Variants in SULF1 observed in about 807,000 individuals in gnomAD.
The protein encoded by SULF1 is sulfatase 1.
SULF1 carries 46 observed loss-of-function variants against 110.5 expected under a neutral mutation model. The observed-to-expected ratio is 0.42, with a 90% CI of 0.33 to 0.53. SULF1 has a LOEUF of 0.53. Ranked by LOEUF, SULF1 falls within the 20% of genes least tolerant of loss-of-function variation. SULF1 has a pLI of 0.12. For missense variants in SULF1, 941 were observed against 1,094.2 expected (o/e 0.86, Z 1.98); for synonymous variants, 371 against 387.1 (o/e 0.96, Z 0.49).
intron 3 of SULF1, among the ~76,000 whole-genome samples, chr8:69,540,057 A>G (rs539205740): frequency 6.6e-6 from 1 of 152,352 alleles, no homozygotes; most frequent in African/African-American, 2.4e-5. Flanking sequence ...TGTGGTAGTG[A>G]TGAAAGCAAT....
At chr8:69,484,484 A>G (rs929173079) in intron 1 of SULF1, among the ~76,000 whole-genome samples, 1 of 152,246 alleles carries the variant, frequency 6.6e-6, no homozygotes, top group African/African-American at 2.4e-5. Flanking sequence ...TCTCAACTTT[A>G]TAGTAAAGCA....
At chr8:69,613,361 T>TG (rs1274283148) in intron 13 of SULF1, among the ~76,000 whole-genome samples, 1 of 151,528 alleles carries the variant, frequency 6.6e-6, no homozygotes, top group African/African-American at 2.4e-5. Flanking sequence ...GGTTTTTTTT[T>TG]TTTGTTTCTT....
At chr8:69,494,074 TAC>T (rs1479516314) in intron 1 of SULF1, among the ~76,000 whole-genome samples, 4 of 152,122 alleles carry the variant, frequency 2.6e-5, no homozygotes. Context: ...TGCTATGAGA[TAC>T]AGAGATTTAT....
In SULF1 at chr8:69,529,370, G is replaced by A. The variant is rs113158326; in HGVS notation, c.-134+27402G>A. On this transcript the variant is annotated intron_variant, in intron 3 of 22. Transcript: ENST00000402687. Reference sequence around the variant, plus strand: ...ATGAATCATCAACGGTTAGCACTACGTTGATGCTCTAACTACGACCTCTAA... The same window carrying A: ...ATGAATCATCAACGGTTAGCACTACATTGATGCTCTAACTACGACCTCTAA... Among the ~76,000 whole-genome samples, 577 of 152,276 alleles carry A rather than the reference G, an allele frequency of 3.8e-3. 6 individuals carry two copies. Among genetic ancestry groups the A allele is most frequent in the African/African-American group, 0.013 (535 of 41,554 alleles).
rs191614440 is a variant in SULF1, at chr8:69,603,436, A to G, written c.1190+116A>G. ...AGAATATGCCTTGCCCACAAGGATC[A>G]CCCCAAGCTGAGCATTTCTCAGCTG... On this transcript the variant is annotated intron_variant, in intron 11 of 22. Coordinates refer to ENST00000402687, the MANE Select transcript of SULF1 (RefSeq NM_001128205.2). 8.5e-6 allele frequency: 13 copies of G among 1,534,136 alleles called. No individual in the cohort carries two copies. In the Admixed American group the frequency reaches 1.5e-4, roughly 18 times the overall value.
intron 21 of SULF1, among the ~76,000 whole-genome samples, chr8:69,639,867 G>T (rs541225557): frequency 9.9e-5 from 15 of 152,250 alleles, no homozygotes; most frequent in South Asian, 4.2e-4. Flanking sequence ...GGTCACAAAG[G>T]CTTTTGAGTT....
intron 6 of SULF1, among the ~76,000 whole-genome samples, chr8:69,579,037 T>C (rs1798515423): frequency 6.6e-6 from 1 of 151,700 alleles, no homozygotes; most frequent in Non-Finnish European, 1.5e-5. Context: ...GGCGGACGCC[T>C]GTAGTCCCAG....
chr8:69,479,224 T>C (rs1809419935), intron 1 of SULF1, among the ~76,000 whole-genome samples: 1 of 152,230 alleles, frequency 6.6e-6, no homozygotes, highest in Non-Finnish European at 1.5e-5. Context: ...TTCTATGTTA[T>C]CAATTAATTT....
At chr8:69,642,572 A>G (rs1275053071) in intron 22 of SULF1, among the ~76,000 whole-genome samples, 1 of 152,250 alleles carries the variant, frequency 6.6e-6, no homozygotes, top group African/African-American at 2.4e-5. Context: ...CACCAGGACG[A>G]TCTTCCCTGC....
intron 3 of SULF1, among the ~76,000 whole-genome samples, chr8:69,548,805 A>AAAAC (rs1371758891): frequency 6.6e-6 from 1 of 152,044 alleles, no homozygotes; most frequent in Non-Finnish European, 1.5e-5. Context: ...AAAACAAAAC[A>AAAAC]AAACAAAACA....
intron 1 of SULF1, among the ~76,000 whole-genome samples, chr8:69,481,420 A>G (rs961947563): frequency 1.3e-5 from 2 of 152,152 alleles, no homozygotes; most frequent in African/African-American, 2.4e-5. Flanking sequence ...ATCCATAAGA[A>G]TACTTTGTTC....
intron 1 of SULF1, among the ~76,000 whole-genome samples, chr8:69,478,944 A>C (rs1231979189): frequency 1.3e-5 from 2 of 152,154 alleles, no homozygotes; most frequent in Non-Finnish European, 2.9e-5. Flanking sequence ...AGTCATTGAG[A>C]ATTTTAGGAA....
At chr8:69,484,009 G>A (rs958745204) in intron 1 of SULF1, among the ~76,000 whole-genome samples, 2 of 152,112 alleles carry the variant, frequency 1.3e-5, no homozygotes, top group African/African-American at 4.8e-5. Context: ...TTACAAGCAA[G>A]GAAATAGGCT....
chr8:69,649,730 A>G (rs1032611746), intron 22 of SULF1, among the ~76,000 whole-genome samples: 1 of 152,098 alleles, frequency 6.6e-6, no homozygotes, highest in Non-Finnish European at 1.5e-5. Context: ...GGAATACCAC[A>G]TATTGTGCTC....
At chr8:69,532,265 T>G (rs1346354742) in intron 3 of SULF1, among the ~76,000 whole-genome samples, 12 of 152,206 alleles carry the variant, frequency 7.9e-5, no homozygotes, top group Admixed American at 2.6e-4. Context: ...AGGAAACAAG[T>G]CATTCTATGT....
At chr8:69,624,275 C>T in intron 15 of SULF1, 78 bp downstream of exon 15, 1 of 1,504,424 alleles carries the variant, frequency 6.6e-7, no homozygotes, top group Non-Finnish European at 8.9e-7. Flanking sequence ...CCATTTTGCA[C>T]TTGGCAAAAA....
intron 8 of SULF1, among the ~76,000 whole-genome samples, chr8:69,589,371 G>C (rs757844667): frequency 3.3e-5 from 5 of 152,184 alleles, no homozygotes; most frequent in African/African-American, 1.2e-4. Flanking sequence ...TTTACAAGTA[G>C]CTAAATAGAA....
chr8:69,596,147 G>A (rs1352801490), intron 8 of SULF1, among the ~76,000 whole-genome samples: 1 of 152,024 alleles, frequency 6.6e-6, no homozygotes, highest in Admixed American at 6.6e-5. Context: ...GGGAGGCCTC[G>A]CTGGGAAAAG....
chr8:69,478,376 G>A (rs1809388519), intron 1 of SULF1, among the ~76,000 whole-genome samples: 1 of 152,088 alleles, frequency 6.6e-6, no homozygotes, highest in Non-Finnish European at 1.5e-5. Flanking sequence ...GCAGCATCCA[G>A]TCTAAATAAA....
Sources: gnomAD v4.1 joint callset for allele counts (sites outside exome capture counted in the v4.1 genomes callset) on GRCh38, gnomAD v4.1.1 for gene constraint, MANE v1.5 for transcripts, NCBI Gene and HGNC (gene_info 2026-07-23, HGNC 2026-07-21) for gene names.